Variants in TGS1 observed in about 807,000 individuals in gnomAD.
The protein encoded by TGS1 is trimethylguanosine synthase 1, also known as trimethylguanosine synthase.
In TGS1, 69 loss-of-function variants were observed where a neutral mutation model predicts 92.2. The ratio of observed to expected loss-of-function variants is 0.75; its 90% CI spans 0.62 to 0.91. The LOEUF (loss-of-function observed/expected upper bound fraction) is 0.91, where lower values mean the gene tolerates loss of function less well. Among genes scored for constraint, TGS1 ranks in the 40% least tolerant of loss-of-function variants. The probability of loss-of-function intolerance (pLI) is 0.00; values close to 1 mark genes in which losing one functional copy is unlikely to be tolerated. For missense variants in TGS1, 1,062 were observed against 1,001.2 expected (o/e 1.06, Z -0.82); for synonymous variants, 345 against 338.1 (o/e 1.02, Z -0.22).
intron 12 of TGS1, among the ~76,000 whole-genome samples, chr8:55,818,107 A>G (rs1803534250): frequency 6.6e-6 from 1 of 152,230 alleles, no homozygotes; most frequent in African/African-American, 2.4e-5. Flanking sequence ...TTCATTACCA[A>G]GAAGAAACAG....
At chr8:55,794,191 C>T (rs530027094) in intron 6 of TGS1, among the ~76,000 whole-genome samples, 18 of 152,232 alleles carry the variant, frequency 1.2e-4, no homozygotes, top group Admixed American at 8.5e-4. Flanking sequence ...CTTAGGGTCT[C>T]GCTCTGTAAC....
rs771462052 is a variant in TGS1, at chr8:55,826,398, A to G, written c.*1695A>G. Among the ~76,000 whole-genome samples the G allele has an allele frequency of 2.0e-5, 3 of 152,232 alleles. No individual in the cohort carries two copies. The highest frequency in any genetic ancestry group is 7.2e-5 in the African/African-American group (3 of 41,454). ...TAAGATATTGCTGCCCACTAATCACACAGGGATAAAACTAATAGACTGTTA... is the reference window on the plus strand; with the variant it reads ...TAAGATATTGCTGCCCACTAATCACGCAGGGATAAAACTAATAGACTGTTA... On this transcript the variant is annotated 3_prime_UTR_variant, in exon 13 of 13. Transcript: ENST00000260129.
chr8:55,807,167 A>G (rs891039084), intron 10 of TGS1, among the ~76,000 whole-genome samples: 12 of 152,108 alleles, frequency 7.9e-5, no homozygotes, highest in African/African-American at 2.9e-4. Flanking sequence ...TGACCTCATG[A>G]TCCTCCCGCC....
intron 12 of TGS1, among the ~76,000 whole-genome samples, chr8:55,820,162 A>G (rs118181003): frequency 0.017 from 2,647 of 152,260 alleles, 42 homozygotes; most frequent in South Asian, 0.034. Flanking sequence ...AGTAATTATT[A>G]TCTATTCTTC....
chr8:55,803,269 G>A lies in TGS1; in HGVS notation c.1999+663G>A, dbSNP rs543428408. ...GATGAAGAAATATCTAGTGCAGAAG[G>A]ATACAATTTAATGAATTAACTTCGC... On this transcript the variant is annotated intron_variant, in intron 9 of 12. Coordinates refer to ENST00000260129, the MANE Select transcript of TGS1 (RefSeq NM_024831.8). Among the ~76,000 whole-genome samples the A allele has an allele frequency of 1.4e-4, 22 of 152,256 alleles. No homozygotes were observed. The South Asian group carries it at 4.6e-3, about 32-fold the overall frequency.
intron 1 of TGS1, among the ~76,000 whole-genome samples, chr8:55,776,327 C>T (rs1162574792): frequency 6.8e-6 from 1 of 146,636 alleles, no homozygotes; most frequent in African/African-American, 2.6e-5. Context: ...GTTGCCCAGG[C>T]CAGAGTGCAG....
rs773701156 is a variant in TGS1, at chr8:55,786,748, G to C, written c.850G>C (p.Asp284His). 6.2e-7 allele frequency: 1 copy of C among 1,613,994 alleles called. No individual in the cohort carries two copies. The highest frequency in any genetic ancestry group is 1.1e-5 in the South Asian group (1 of 91,072). ...TAAAACAGAAGCTGATGACAAGAACGATGAAAAATGCATGAAAGTTGACTT... is the reference window on the plus strand; with the variant it reads ...TAAAACAGAAGCTGATGACAAGAACCATGAAAAATGCATGAAAGTTGACTT... The part of the protein sequence containing the change: ...TSKTEADDKN[D>H]EKCMKVDLVS... The change falls in exon 4 of 13, where the codon GAT becomes CAT. Residue 284 changes from aspartate to histidine, a missense_variant. By Grantham distance (81) the Asp-to-His change is moderately conservative (BLOSUM62 -1). Coordinates refer to ENST00000260129, the MANE Select transcript of TGS1 (RefSeq NM_024831.8).
At chr8:55,792,084 A>T (rs1184951127) in intron 5 of TGS1, among the ~76,000 whole-genome samples, 1 of 152,236 alleles carries the variant, frequency 6.6e-6, no homozygotes, top group Non-Finnish European at 1.5e-5. Flanking sequence ...CTGGAGGCAA[A>T]GATCATGTGT....
chr8:55,812,420 CAGG>C (rs1366113530), intron 11 of TGS1, among the ~76,000 whole-genome samples: 1 of 147,250 alleles, frequency 6.8e-6, no homozygotes, highest in Non-Finnish European at 1.5e-5. Flanking sequence ...CTCAGCTACT[CAGG>C]AGGCTGAGGC....
In TGS1 at chr8:55,824,930, T is replaced by C; in HGVS notation, c.*227T>C. 2.8e-6 allele frequency: 1 copy of C among 363,126 alleles called. No homozygotes were observed. 22.5% of individuals were successfully genotyped at this position (363,126 alleles called of 1,614,324 possible). ...ATATATATGAGTCCTTTGTAATTTA[T>C]TTTTTTTTGAGACAGGATCTCACTT... is the stretch of plus-strand genomic sequence containing the variant. On this transcript the variant is annotated 3_prime_UTR_variant, in exon 13 of 13. Transcript: ENST00000260129.
intron 1 of TGS1, among the ~76,000 whole-genome samples, chr8:55,781,014 T>C (rs1811545033): frequency 6.6e-6 from 1 of 152,204 alleles, no homozygotes; most frequent in Admixed American, 6.5e-5. Flanking sequence ...GAATTGTCAT[T>C]TCTCCGGGCA....
At chr8:55,814,737 C>T (rs181729629) in intron 12 of TGS1, among the ~76,000 whole-genome samples, 3 of 145,378 alleles carry the variant, frequency 2.1e-5, no homozygotes, top group African/African-American at 2.5e-5. Context: ...GGCATGGTGG[C>T]GGCGTGCCTG....
At chr8:55,802,925 A>G (rs920538448) in intron 9 of TGS1, among the ~76,000 whole-genome samples, 1 of 151,978 alleles carries the variant, frequency 6.6e-6, no homozygotes, top group Non-Finnish European at 1.5e-5. Flanking sequence ...TTTATACTCT[A>G]ATTTCATTAA....
chr8:55,791,296 C>T (rs1811880402), intron 5 of TGS1, among the ~76,000 whole-genome samples: 2 of 152,188 alleles, frequency 1.3e-5, no homozygotes. Context: ...GCACTATTTG[C>T]TTGATAACAG....
chr8:55,778,437 G>A (rs533028610), intron 1 of TGS1, among the ~76,000 whole-genome samples: 3 of 152,168 alleles, frequency 2.0e-5, no homozygotes, highest in African/African-American at 7.2e-5. Flanking sequence ...AACAACTGAT[G>A]TTCTGTTCAG....
intron 1 of TGS1, among the ~76,000 whole-genome samples, chr8:55,774,236 G>GC (rs1811312534): frequency 6.6e-6 from 1 of 152,074 alleles, no homozygotes; most frequent in African/African-American, 2.4e-5. Context: ...GGTAAAAATT[G>GC]CCCCACATGA....
At chr8:55,792,649 T>A in intron 5 of TGS1, 49 bp from the exon 6 acceptor site, 2 of 1,298,510 alleles carry the variant, frequency 1.5e-6, no homozygotes, top group South Asian at 2.4e-5. Flanking sequence ...TCTGAACTAG[T>A]GGGCTCTGGT....
rs1391012987 is a variant in TGS1, at chr8:55,802,595, A to C, written c.1988A>C (p.Lys663Thr). 2 of 1,611,080 alleles carry C rather than the reference A, an allele frequency of 1.2e-6. No individual in the cohort carries two copies. The highest frequency in any genetic ancestry group is 2.7e-5 in the African/African-American group (2 of 74,740). The change falls in exon 9 of 13, where the codon AAG becomes ACG. Residue 663 changes from lysine to threonine, a missense_variant. Physicochemically the swap from Lys to Thr is moderately conservative, Grantham distance 78. Transcript: ENST00000260129. ...TTCTCCCGTTTTGATGATGGGATTA[A>C]GTTGGACAGAGGTAAAGTATATATG... ...RLFSRFDDGI[K>T]LDREGWFSVT... is the part of the protein sequence containing the mutation.
At position 55,824,799 on chromosome 8, in the gene TGS1, C is replaced by T. The variant is rs1803747807; in HGVS notation, c.*96C>T. On this transcript the variant is annotated 3_prime_UTR_variant, in exon 13 of 13. Transcript: ENST00000260129. ...TCCTTTATTCACTGATATTTTCTAC[C>T]CATGGTCTTATATCACCGTATGAAA... 4.2e-6 allele frequency: 6 copies of T among 1,437,952 alleles called. No homozygotes were observed. The South Asian group carries it at 5.3e-5, about 13-fold the overall frequency. The allele number at this position is 1,437,952 out of a possible 1,614,324, so 89.1% of individuals were successfully genotyped here. A position where few individuals can be genotyped will look rare whatever the true frequency, so the allele number is the denominator to read the frequency against.
Sources: allele counts gnomAD v4.1 joint callset (sites outside exome capture counted in the v4.1 genomes callset), GRCh38; gene constraint gnomAD v4.1.1; transcripts MANE v1.5; gene names NCBI Gene and HGNC (gene_info 2026-07-23, HGNC 2026-07-21).